PRDX4: variants seen among roughly 807,000 people sequenced by gnomAD.
The protein encoded by PRDX4 is peroxiredoxin-4.
PRDX4 carries 12 observed loss-of-function variants against 20.5 expected under a neutral mutation model. The observed-to-expected ratio is 0.58, with a 90% CI of 0.37 to 0.95. The LOEUF (loss-of-function observed/expected upper bound fraction) is 0.95. PRDX4 is among the 40% of genes least tolerant of loss of function. PRDX4 has a pLI of 0.01. For missense variants in PRDX4, 180 were observed against 207.3 expected, an observed-to-expected ratio of 0.87 and a Z score of 0.81; for synonymous variants, 99 against 87.5, an observed-to-expected ratio of 1.13 and a Z score of -0.73.
rs1928089987 is a variant in PRDX4 at position 23,682,395 on chromosome X, G to A, written c.600-1G>A. 1 of 1,147,563 alleles carries A rather than the reference G, an allele frequency of 8.7e-7. No homozygotes were observed. The highest frequency in any genetic ancestry group is 1.2e-6 in the Non-Finnish European group (1 of 856,858). 94.6% of individuals were successfully genotyped at this position (1,147,563 alleles called of 1,213,427 possible). ...ATCTCTACCATTCTTCTGTTTTACA[G>A]AGGTCTCTTCATTATTGATGACAAA... On this transcript the variant is annotated splice_acceptor_variant, in intron 4 of 6. Coordinates refer to ENST00000379341, the MANE Select transcript of PRDX4 (RefSeq NM_006406.2). LOFTEE classifies it high-confidence loss of function.
intron 2 of PRDX4, among the ~76,000 whole-genome samples, chrX:23,672,615 G>T (rs985161183): frequency 1.8e-5 from 2 of 112,360 alleles, no homozygotes; most frequent in African/African-American, 6.5e-5. Flanking sequence ...ACCAAAAAGA[G>T]TTATGTCAAT....
Position 23,671,210 on chromosome X carries a change from C to T in PRDX4, c.242-319C>T, listed in dbSNP as rs1311446537. ...CAGGTATCCTGAAACACCATTTTCACTCATCATTATCTTACGTAGTTGTCA... is the reference window on the plus strand; with the variant it reads ...CAGGTATCCTGAAACACCATTTTCATTCATCATTATCTTACGTAGTTGTCA... On this transcript the variant is annotated intron_variant, in intron 1 of 6. Coordinates refer to ENST00000379341, the MANE Select transcript of PRDX4 (RefSeq NM_006406.2). Among the ~76,000 whole-genome samples the T allele has an allele frequency of 3.6e-5, 4 of 112,036 alleles. No individual in the cohort carries two copies. The East Asian group carries it at 1.1e-3, about 31-fold the overall frequency.
intron 4 of PRDX4, among the ~76,000 whole-genome samples, chrX:23,681,413 T>C (rs1228424884): frequency 1.8e-5 from 2 of 112,093 alleles, no homozygotes; most frequent in African/African-American, 6.5e-5. Context: ...ATCTACTTTA[T>C]GTCTCTATAG....
At chrX:23,683,937 A>G (rs1038110537) in intron 6 of PRDX4, among the ~76,000 whole-genome samples, 6 of 103,759 alleles carry the variant, frequency 5.8e-5, no homozygotes, top group Non-Finnish European at 7.8e-5. Flanking sequence ...AGTCCCAGCT[A>G]CTCGGGAGGC....
At position 23,676,136 on chromosome X, in the gene PRDX4, CAAAAAAAA is replaced by C. The variant is rs55792240; in HGVS notation, c.476+1054_476+1061del. ...GGGCAATGAGAGTGAAACTCCATCT[CAAAAAAAA>C]AAAAAAAAAAAAAAAAAAAAAAAGA... On this transcript the variant is annotated intron_variant, in intron 3 of 6. Coordinates refer to ENST00000379341, the MANE Select transcript of PRDX4 (RefSeq NM_006406.2). 6.4e-4 allele frequency among the ~76,000 whole-genome samples: 35 copies of C among 54,980 alleles called. No homozygotes were observed. In the East Asian group the frequency reaches 9.1e-3, roughly 14 times the overall value. The allele number at this position is 54,980 out of a possible 115,157, so 47.7% of individuals were successfully genotyped here.
rs775634025 is a variant in PRDX4 at position 23,682,501 on chromosome X, C to T, written c.705C>T (p.Phe235=). ...AGACACTACGTTTGGTTCAAGCATT[C>T]CAGTACACTGACAAACACGGAGAAG... The part of the protein sequence containing the change: ...VDETLRLVQA[F]QYTDKHGEVC... The change falls in exon 5 of 7, where the codon TTC becomes TTT. Residue 235 remains phenylalanine (F), a synonymous_variant. Transcript: ENST00000379341. 8.5e-7 allele frequency: 1 copy of T among 1,171,673 alleles called. No individual in the cohort carries two copies. The highest frequency in any genetic ancestry group is 1.1e-6 in the Non-Finnish European group (1 of 872,545).
At chrX:23,680,197 A>G (rs1408895531) in intron 4 of PRDX4, among the ~76,000 whole-genome samples, 4 of 111,906 alleles carry the variant, frequency 3.6e-5, no homozygotes, top group South Asian at 3.7e-4. Flanking sequence ...CCAAAGTTAT[A>G]TAATAATTTA....
At chrX:23,676,809 T>G (rs1185029897) in intron 3 of PRDX4, among the ~76,000 whole-genome samples, 1 of 101,046 alleles carries the variant, frequency 9.9e-6, no homozygotes, top group African/African-American at 3.6e-5. Context: ...AAAAAAAAAT[T>G]AAAATATAGG....
intron 1 of PRDX4, 112 bp downstream of exon 1, chrX:23,667,923 C>G: frequency 3.7e-6 from 4 of 1,070,441 alleles, no homozygotes; most frequent in Non-Finnish European, 5.0e-6. Context: ...CCTCCGGGCC[C>G]TGGGCGGGCC....
chrX:23,669,233 A>AT (rs1213087256), intron 1 of PRDX4, among the ~76,000 whole-genome samples: 7 of 112,122 alleles, frequency 6.2e-5, no homozygotes, highest in Non-Finnish European at 1.3e-4. Flanking sequence ...CTACTTTGAG[A>AT]TTTTTAACAA....
chrX:23,679,450 C>T (rs770496871), intron 4 of PRDX4, among the ~76,000 whole-genome samples, 163 bp downstream of exon 4: 1 of 111,547 alleles, frequency 9.0e-6, no homozygotes, highest in South Asian at 3.7e-4. Flanking sequence ...TTTGGGAGGC[C>T]ACGGTGGGCA....
chrX:23,668,719 G>T (rs2146784450), intron 1 of PRDX4, among the ~76,000 whole-genome samples: 1 of 112,120 alleles, frequency 8.9e-6, no homozygotes, highest in South Asian at 3.7e-4. Context: ...TTATGGTTCA[G>T]TTACAGCATG....
intron 2 of PRDX4, among the ~76,000 whole-genome samples, chrX:23,672,223 T>C (rs996909566): frequency 7.2e-5 from 8 of 111,726 alleles, no homozygotes; most frequent in East Asian, 2.8e-4. Context: ...ATAGTGCCAC[T>C]GCACTCCAGC....
At chrX:23,672,859 C>T (rs1927873214) in intron 2 of PRDX4, among the ~76,000 whole-genome samples, 1 of 111,307 alleles carries the variant, frequency 9.0e-6, no homozygotes, top group African/African-American at 3.3e-5. Flanking sequence ...TTGCCAACCC[C>T]TGCTCTAAGC....
chrX:23,682,328 G>C (rs904159176), intron 4 of PRDX4, 68 bp from the exon 5 acceptor site: 3 of 890,792 alleles, frequency 3.4e-6, no homozygotes, highest in Non-Finnish European at 4.5e-6. Context: ...TTGTGTGGAT[G>C]GTATAGGAAT....
intron 1 of PRDX4, among the ~76,000 whole-genome samples, chrX:23,671,092 G>T (rs1041394752): frequency 8.9e-6 from 1 of 111,841 alleles, no homozygotes; most frequent in African/African-American, 3.2e-5. Context: ...CTTCTATTAT[G>T]AATGTCAGCA....
intron 1 of PRDX4, among the ~76,000 whole-genome samples, chrX:23,670,154 A>G (rs188206457): frequency 8.4e-4 from 94 of 111,544 alleles, no homozygotes; most frequent in African/African-American, 3.0e-3. Flanking sequence ...ATCTTAGCAA[A>G]GTAACTACCA....
chrX:23,667,942 A>C, intron 1 of PRDX4, 131 bp downstream of exon 1: 45 of 956,743 alleles, frequency 4.7e-5, no homozygotes, highest in Non-Finnish European at 5.1e-5. Context: ...CCTGGTTCTC[A>C]CCTAGGAGGG....
chrX:23,673,121 C>T lies in PRDX4; in HGVS notation c.359+1475C>T, dbSNP rs141490041. On this transcript the variant is annotated intron_variant, in intron 2 of 6. Coordinates refer to ENST00000379341, the MANE Select transcript of PRDX4 (RefSeq NM_006406.2). ...GGTTAACATGTATGTTAAATATATACGACTAACACCCTGAATTTGGAAGTT... is the reference window on the plus strand; with the variant it reads ...GGTTAACATGTATGTTAAATATATATGACTAACACCCTGAATTTGGAAGTT... 3.5e-4 allele frequency among the ~76,000 whole-genome samples: 39 copies of T among 111,743 alleles called. No homozygotes were observed. The East Asian group carries it at 0.011, about 31-fold the overall frequency.
Sources: gnomAD v4.1 joint callset for allele counts (sites outside exome capture counted in the v4.1 genomes callset) on GRCh38, gnomAD v4.1.1 for gene constraint, MANE v1.5 for transcripts, NCBI Gene and HGNC (gene_info 2026-07-23, HGNC 2026-07-21) for gene names.